Variants in SLC38A12 observed in about 807,000 individuals in gnomAD.
SLC38A12 encodes the protein putative sodium-coupled neutral amino acid transporter 12.
chr17:74,778,909 C>T, the SLC38A12 span, among the ~76,000 whole-genome samples: 3 of 152,016 alleles, frequency 2.0e-5, no homozygotes, highest in East Asian at 1.9e-4. Flanking sequence ...CTCAGGTGAT[C>T]CACCCGCCTC....
the SLC38A12 span, among the ~76,000 whole-genome samples, chr17:74,798,821 C>G: frequency 6.6e-4 from 99 of 149,120 alleles, no homozygotes; most frequent in Non-Finnish European, 1.2e-3. Context: ...AACGGGTAAC[C>G]TTGCCTCCAG....
At chr17:74,797,779 G>A in the SLC38A12 span, among the ~76,000 whole-genome samples, 1 of 152,148 alleles carries the variant, frequency 6.6e-6, no homozygotes, top group Non-Finnish European at 1.5e-5. Context: ...CAAAGATGTG[G>A]GTTTCCTCCC....
the SLC38A12 span, among the ~76,000 whole-genome samples, chr17:74,779,255 C>G: frequency 6.6e-6 from 1 of 152,168 alleles, no homozygotes; most frequent in Admixed American, 6.5e-5. Context: ...TCAGCATGTG[C>G]CCACAGGAAA....
the SLC38A12 span, chr17:74,795,223 G>C: frequency 1.1e-6 from 1 of 896,468 alleles, no homozygotes; most frequent in South Asian, 1.4e-5. Context: ...ATTGCATCTA[G>C]GGAATGCAGA....
At chr17:74,805,159 G>A in the SLC38A12 span, among the ~76,000 whole-genome samples, 2 of 152,248 alleles carry the variant, frequency 1.3e-5, no homozygotes, top group African/African-American at 4.8e-5. This position sits in a 1 kb window ranked among gnomAD's most constrained non-coding sequence, Gnocchi z 5.0. Context: ...AAGGTCTCCC[G>A]GGGAGAGGCC....
chr17:74,823,925 G>C, the SLC38A12 span, among the ~76,000 whole-genome samples: 5 of 152,282 alleles, frequency 3.3e-5, no homozygotes, highest in Non-Finnish European at 7.3e-5. Context: ...GCGAGGCCTT[G>C]AATGGGGCCG....
chr17:74,832,205 T>C, the SLC38A12 span, among the ~76,000 whole-genome samples: 1 of 152,078 alleles, frequency 6.6e-6, no homozygotes, highest in South Asian at 2.1e-4. Context: ...TCCTTCCTCC[T>C]TTCCTTCCTT....
the SLC38A12 span, among the ~76,000 whole-genome samples, chr17:74,822,064 C>T: frequency 2.0e-5 from 3 of 152,112 alleles, no homozygotes; most frequent in African/African-American, 2.4e-5. Flanking sequence ...GATTCCTCCC[C>T]GTGTCTGGGG....
chr17:74,801,179 T>A, the SLC38A12 span, among the ~76,000 whole-genome samples: 1 of 152,246 alleles, frequency 6.6e-6, no homozygotes, highest in Non-Finnish European at 1.5e-5. Context: ...TTTCCTTTTC[T>A]TCTCCCTCCC....
the SLC38A12 span, among the ~76,000 whole-genome samples, chr17:74,826,259 T>C: frequency 6.6e-6 from 1 of 152,168 alleles, no homozygotes; most frequent in Non-Finnish European, 1.5e-5. Flanking sequence ...ACGGAAGGCT[T>C]GATTGCTCCA....
At chr17:74,827,592 G>A in the SLC38A12 span, among the ~76,000 whole-genome samples, 5 of 152,150 alleles carry the variant, frequency 3.3e-5, no homozygotes, top group South Asian at 6.2e-4. This position sits in a 1 kb window ranked among gnomAD's most constrained non-coding sequence, Gnocchi z 4.7. Context: ...CACCGTGCCC[G>A]GCCGCATCTG....
the SLC38A12 span, chr17:74,795,379 A>G: frequency 4.2e-6 from 3 of 708,588 alleles, no homozygotes; most frequent in Non-Finnish European, 7.1e-6. Context: ...AGGAGGGTGC[A>G]TCCTCAGAGA....
At chr17:74,798,306 T>C in the SLC38A12 span, among the ~76,000 whole-genome samples, 36 of 152,310 alleles carry the variant, frequency 2.4e-4, no homozygotes, top group Non-Finnish European at 4.6e-4. Flanking sequence ...CCAGGAATGC[T>C]CCTGAGACGC....
chr17:74,776,676 G>GGAGGGAGAGA, the SLC38A12 span: 1 of 153,406 alleles, frequency 6.5e-6, no homozygotes, highest in South Asian at 1.9e-4. Flanking sequence ...GACTCCTCCA[G>GGAGGGAGAGA]GAGGGAGAGA....
At chr17:74,782,362 C>A in the SLC38A12 span, among the ~76,000 whole-genome samples, 5 of 152,158 alleles carry the variant, frequency 3.3e-5, no homozygotes, top group Non-Finnish European at 7.3e-5. Flanking sequence ...GCCACCACAC[C>A]CGGCCTGTAG....
the SLC38A12 span, among the ~76,000 whole-genome samples, chr17:74,817,920 C>T: frequency 7.9e-5 from 12 of 152,198 alleles, no homozygotes; most frequent in Admixed American, 7.9e-4. Flanking sequence ...GCGAACTACC[C>T]AAACACCCGG....
chr17:74,794,162 A>C, the SLC38A12 span, among the ~76,000 whole-genome samples: 1 of 152,158 alleles, frequency 6.6e-6, no homozygotes, highest in African/African-American at 2.4e-5. Flanking sequence ...TTCTAGCTGG[A>C]ATCATTTATG....
chr17:74,798,151 C>G, the SLC38A12 span, among the ~76,000 whole-genome samples: 1 of 152,200 alleles, frequency 6.6e-6, no homozygotes, highest in Non-Finnish European at 1.5e-5. Flanking sequence ...TGCCCCTACC[C>G]AGGCTGCATT....
At chr17:74,829,732 T>A in the SLC38A12 span, among the ~76,000 whole-genome samples, 1 of 152,102 alleles carries the variant, frequency 6.6e-6, no homozygotes, top group African/African-American at 2.4e-5. This position sits in a 1 kb window ranked among gnomAD's most constrained non-coding sequence, Gnocchi z 4.1. Context: ...TAGGGGCTCC[T>A]GGGATGGCTC....
Sources: gnomAD v4.1 joint callset for allele counts (sites outside exome capture counted in the v4.1 genomes callset) on GRCh38, gnomAD v4.1.1 for gene constraint, Gnocchi (gnomAD v3.1) non-coding constraint, MANE v1.5 for transcripts, NCBI Gene and HGNC (gene_info 2026-07-23, HGNC 2026-07-21) for gene names.